The following LRRIQ3 variants were observed in gnomAD, a reference collection of about 807,000 sequenced individuals.
LRRIQ3 encodes the protein leucine rich repeats and IQ motif containing 3, also known as leucine-rich repeat and IQ domain-containing protein 3.
Under a neutral mutation model 59.3 loss-of-function variants are expected in LRRIQ3, and 75 were observed. The observed-to-expected ratio is 1.26, with a 90% confidence interval of 1.05 to 1.53. The LOEUF is 1.53. Among genes scored for constraint, LRRIQ3 ranks in the 40% most tolerant of loss-of-function variants. LRRIQ3 has a pLI of 0.00. For synonymous variants in LRRIQ3, 250 were observed against 231.3 expected (o/e 1.08, Z -0.73); for missense variants, 831 against 710.0 (o/e 1.17, Z -1.94).
At chr1:74,045,595 T>A (rs1387581963) in intron 6 of LRRIQ3, among the ~76,000 whole-genome samples, 1 of 152,130 alleles carries the variant, frequency 6.6e-6, no homozygotes, top group Non-Finnish European at 1.5e-5. Context: ...AACATAGTAT[T>A]GGAAGTTCTG....
At chr1:74,142,482 T>G (rs551480114) in intron 4 of LRRIQ3, among the ~76,000 whole-genome samples, 1 of 152,104 alleles carries the variant, frequency 6.6e-6, no homozygotes, top group East Asian at 1.9e-4. Flanking sequence ...CATTGTAATG[T>G]GACTTTCTGA....
chr1:74,142,376 A>G (rs1421707292), intron 4 of LRRIQ3, among the ~76,000 whole-genome samples: 1 of 151,974 alleles, frequency 6.6e-6, no homozygotes. Context: ...TTAAAGCTTC[A>G]ATTTTAGCAT....
At chr1:74,070,272 C>T (rs1416732266) in intron 6 of LRRIQ3, among the ~76,000 whole-genome samples, 1 of 151,996 alleles carries the variant, frequency 6.6e-6, no homozygotes, top group Non-Finnish European at 1.5e-5. Flanking sequence ...GTGGTACATA[C>T]ACAAGATGGA....
At chr1:74,190,006 G>A (rs963526827) in intron 1 of LRRIQ3, among the ~76,000 whole-genome samples, 10 of 152,142 alleles carry the variant, frequency 6.6e-5, no homozygotes, top group Non-Finnish European at 1.2e-4. Flanking sequence ...GCAGTTTCCA[G>A]TATGGCATGT....
intron 3 of LRRIQ3, among the ~76,000 whole-genome samples, 174 bp from the exon 4 acceptor site, chr1:74,156,040 T>C (rs568018172): frequency 1.2e-4 from 19 of 152,228 alleles, no homozygotes; most frequent in African/African-American, 3.4e-4. Context: ...CCAAATCTTA[T>C]GTTGAAATGC....
intron 1 of LRRIQ3, among the ~76,000 whole-genome samples, chr1:74,192,995 A>G (rs1227609897): frequency 6.6e-6 from 1 of 152,126 alleles, no homozygotes; most frequent in African/African-American, 2.4e-5. Context: ...CCCCTGAATC[A>G]TATCATTGCA....
chr1:74,107,752 ATTACT>A (rs1202483884), intron 5 of LRRIQ3, among the ~76,000 whole-genome samples: 11 of 151,290 alleles, frequency 7.3e-5, no homozygotes, highest in Non-Finnish European at 1.3e-4. Context: ...AATAATTTTA[ATTACT>A]TTAAGAAATT....
intron 4 of LRRIQ3, among the ~76,000 whole-genome samples, chr1:74,148,601 A>C (rs547909222): frequency 6.6e-6 from 1 of 152,306 alleles, no homozygotes; most frequent in East Asian, 1.9e-4. Flanking sequence ...AGAAGCATGG[A>C]GCTTTCCTTG....
rs1570304681 is a variant in LRRIQ3, at chr1:74,198,132, T to C, written c.-137A>G. 1 of 1,459,442 alleles carries C rather than the reference T, an allele frequency of 6.9e-7. No individual in the cohort carries two copies. The highest frequency in any genetic ancestry group is 1.4e-5 in the African/African-American group (1 of 71,022). The allele number at this position is 1,459,442 out of a possible 1,614,324, so 90.4% of individuals were successfully genotyped here. ...CAAGACAACATCCAAGTTCTCCACA[T>C]CATGGTTTTCCGGGCGCCAGCCAAG... On this transcript the variant is annotated 5_prime_UTR_variant, in exon 1 of 8. It removes an upstream start codon present in the reference 5' UTR. Coordinates refer to ENST00000354431, the MANE Select transcript of LRRIQ3 (RefSeq NM_001105659.2).
chr1:74,053,229 C>T (rs978118939), intron 6 of LRRIQ3, among the ~76,000 whole-genome samples: 2 of 138,450 alleles, frequency 1.4e-5, no homozygotes, highest in African/African-American at 5.3e-5. Flanking sequence ...ACACCCATGA[C>T]AAAAATCAGT....
intron 7 of LRRIQ3, among the ~76,000 whole-genome samples, chr1:74,039,269 G>A (rs748543606): frequency 1.3e-5 from 2 of 152,218 alleles, no homozygotes; most frequent in African/African-American, 4.8e-5. Context: ...ATGAAGACAG[G>A]ATTAGAGAAA....
intron 5 of LRRIQ3, among the ~76,000 whole-genome samples, chr1:74,104,005 T>C (rs538847319): frequency 2.6e-5 from 4 of 152,138 alleles, no homozygotes; most frequent in Admixed American, 2.6e-4. Context: ...AATCCTTCTC[T>C]TTCCTCTCTT....
At chr1:74,190,623 A>C (rs1650700258) in intron 1 of LRRIQ3, among the ~76,000 whole-genome samples, 1 of 152,050 alleles carries the variant, frequency 6.6e-6, no homozygotes, top group Non-Finnish European at 1.5e-5. Context: ...ATTTACTCTA[A>C]CATCGGACAC....
intron 4 of LRRIQ3, among the ~76,000 whole-genome samples, chr1:74,115,467 A>C (rs1284467028): frequency 6.6e-6 from 1 of 152,132 alleles, no homozygotes; most frequent in African/African-American, 2.4e-5. Context: ...GAATTCAGGA[A>C]TTATCTGGTT....
chr1:74,037,043 A>C (rs775814279), intron 7 of LRRIQ3, among the ~76,000 whole-genome samples: 23 of 152,216 alleles, frequency 1.5e-4, no homozygotes, highest in Non-Finnish European at 3.1e-4. Flanking sequence ...AATATGTAAA[A>C]AGCACTCTCT....
chr1:74,118,594 T>G (rs577452011), intron 4 of LRRIQ3, among the ~76,000 whole-genome samples: 1 of 152,098 alleles, frequency 6.6e-6, no homozygotes, highest in Non-Finnish European at 1.5e-5. Context: ...CACATTTTAT[T>G]TTTGTAGTAT....
intron 4 of LRRIQ3, among the ~76,000 whole-genome samples, chr1:74,125,088 A>T (rs1646916417): frequency 6.6e-6 from 1 of 151,806 alleles, no homozygotes; most frequent in African/African-American, 2.4e-5. Flanking sequence ...GGTTAAGTTA[A>T]TTCCTAGGTA....
intron 3 of LRRIQ3, among the ~76,000 whole-genome samples, chr1:74,167,869 T>C (rs939506304): frequency 2.6e-5 from 4 of 151,894 alleles, no homozygotes; most frequent in Non-Finnish European, 5.9e-5. Flanking sequence ...TTATTAGAAA[T>C]GTGTAATAGT....
At chr1:74,072,873 T>C (rs1006923708) in intron 6 of LRRIQ3, among the ~76,000 whole-genome samples, 1 of 152,150 alleles carries the variant, frequency 6.6e-6, no homozygotes, top group Non-Finnish European at 1.5e-5. Context: ...CTGACCATAA[T>C]GTTCTTTTAT....
Sources: allele counts gnomAD v4.1 joint callset (sites outside exome capture counted in the v4.1 genomes callset), GRCh38; gene constraint gnomAD v4.1.1; transcripts MANE v1.5; gene names NCBI Gene and HGNC (gene_info 2026-07-23, HGNC 2026-07-21).